TRPM1: variants seen among roughly 807,000 people sequenced by gnomAD.
The protein encoded by TRPM1 is TRPM1-203 APA Isoform, Intron 10.
TRPM1 carries 113 observed loss-of-function variants against 149.4 expected under a neutral mutation model. The ratio of observed to expected loss-of-function variants is 0.76; its 90% CI spans 0.65 to 0.88. The LOEUF (loss-of-function observed/expected upper bound fraction) is 0.88, where lower values mean the gene tolerates loss of function less well. Ranked by LOEUF, TRPM1 falls within the 40% of genes least tolerant of loss-of-function variation. TRPM1 has a pLI of 0.00. For missense variants in TRPM1, 1,976 were observed against 2,038.7 expected, an observed-to-expected ratio of 0.97 and a Z score of 0.59; for synonymous variants, 741 against 759.5, an observed-to-expected ratio of 0.98 and a Z score of 0.40.
intron 1 of TRPM1, among the ~76,000 whole-genome samples, chr15:31,092,983 G>T (rs969035420): frequency 2.0e-5 from 3 of 152,062 alleles, no homozygotes; most frequent in Non-Finnish European, 2.9e-5. Context: ...ATAAGGGGCC[G>T]GGCACAGTGG....
chr15:31,096,493 G>C (rs1246997493), intron 1 of TRPM1, among the ~76,000 whole-genome samples: 1 of 152,138 alleles, frequency 6.6e-6, no homozygotes, highest in Non-Finnish European at 1.5e-5. Flanking sequence ...GGATCTTGGG[G>C]CACCTCAACA....
chr15:31,113,784 G>C (rs1442770442), intron 1 of TRPM1, among the ~76,000 whole-genome samples: 1 of 152,186 alleles, frequency 6.6e-6, no homozygotes, highest in Non-Finnish European at 1.5e-5. Flanking sequence ...AGCTCTTAAA[G>C]GTGGCAAGGA....
In TRPM1 at chr15:31,063,163, G is replaced by T. The variant is rs1318997965; in HGVS notation, c.920C>A (p.Ala307Asp). Residue 307 changes from alanine to aspartate, a missense_variant, in exon 8 of 28, where the codon GCC becomes GAC. Ala to Asp is a moderately radical substitution (Grantham distance 126). Transcript: ENST00000256552. ...GTGCGCAAAGGACAGGATGTCCGAGGCACGTCCGCTGCCATCACAAATCAC... is the reference window on the plus strand; with the variant it reads ...GTGCGCAAAGGACAGGATGTCCGAGTCACGTCCGCTGCCATCACAAATCAC... ...PVVICDGSGR[A>D]SDILSFAHKY... 1 of 1,614,226 alleles carries T rather than the reference G, an allele frequency of 6.2e-7. No homozygotes were observed. The highest frequency in any genetic ancestry group is 8.5e-7 in the Non-Finnish European group (1 of 1,180,048).
chr15:31,040,380 A>G lies in TRPM1; in HGVS notation c.2088-34T>C. 2 of 1,584,238 alleles carry G rather than the reference A, an allele frequency of 1.3e-6. No homozygotes were observed. Among genetic ancestry groups the G allele is most frequent in the Non-Finnish European group, 1.7e-6 (2 of 1,152,960 alleles). The stretch of plus-strand genomic sequence containing the variant: ...AAAGAGAAGGGACCAGGGTGAAGCC[A>G]CAGTGGCCGCAAGCTGTTTCTTAGA... On this transcript the variant is annotated intron_variant, in intron 17 of 27. Coordinates refer to ENST00000256552, the MANE Select transcript of TRPM1 (RefSeq NM_001252024.2). The surrounding 1 kb of genome is among the most constrained non-coding windows in gnomAD (Gnocchi z 4.2).
At chr15:31,103,551 G>C (rs1026985244), upstream of TRPM1, among the ~76,000 whole-genome samples, 1 of 152,056 alleles carries the variant, frequency 6.6e-6, no homozygotes, top group Non-Finnish European at 1.5e-5. Context: ...CCCAGCTCAC[G>C]CCTGCAATTC....
At chr15:31,025,857 C>T (rs577406703) in intron 27 of TRPM1, among the ~76,000 whole-genome samples, 1 of 152,340 alleles carries the variant, frequency 6.6e-6, no homozygotes, top group African/African-American at 2.4e-5. Context: ...ATTAACCTTG[C>T]GGAAACACCC....
At chr15:31,154,424 G>A (rs561571436) in intron 1 of TRPM1, among the ~76,000 whole-genome samples, 2 of 152,304 alleles carry the variant, frequency 1.3e-5, no homozygotes, top group African/African-American at 4.8e-5. Context: ...GAATTGTTTT[G>A]AATCTGAAAC....
intron 27 of TRPM1, among the ~76,000 whole-genome samples, chr15:31,005,104 A>AAATAAATAAATAAAT (rs2031940356): frequency 3.5e-5 from 5 of 142,758 alleles, no homozygotes; most frequent in Admixed American, 2.1e-4. Flanking sequence ...TCCATCTCAA[A>AAATAAATAAATAAAT]AAATAAATAA....
intron 16 of TRPM1, among the ~76,000 whole-genome samples, chr15:31,044,121 T>C (rs1341611666): frequency 6.6e-6 from 1 of 152,180 alleles, no homozygotes; most frequent in Non-Finnish European, 1.5e-5. Context: ...GAAATACACT[T>C]CTAAATAACT....
intron 27 of TRPM1, among the ~76,000 whole-genome samples, chr15:31,007,613 G>A (rs2032036932): frequency 6.7e-6 from 1 of 148,434 alleles, no homozygotes; most frequent in Non-Finnish European, 1.5e-5. Context: ...ACCAGCCTGG[G>A]AAACATAGGG....
At chr15:31,030,934 T>A in intron 23 of TRPM1, 49 bp downstream of exon 23, 2 of 1,607,242 alleles carry the variant, frequency 1.2e-6, no homozygotes, top group Non-Finnish European at 1.7e-6. Context: ...GAACTGATCA[T>A]CTGCCTCAGA....
rs1375736875 is a variant in TRPM1 at position 31,040,575 on chromosome 15, A to T, written c.2088-229T>A. Among the ~76,000 whole-genome samples, 4 of 152,252 alleles carry T rather than the reference A, an allele frequency of 2.6e-5. No homozygotes were observed. Among genetic ancestry groups the T allele is most frequent in the African/African-American group, 9.6e-5 (4 of 41,470 alleles). The stretch of plus-strand genomic sequence containing the variant: ...GAGGTGGGCTGACTGCTACTGCTGC[A>T]AATGGAGCTGTAGGTTGAGACCACA... On this transcript the variant is annotated intron_variant, in intron 17 of 27. Transcript: ENST00000256552. The surrounding 1 kb of genome is among the most constrained non-coding windows in gnomAD (Gnocchi z 4.2).
chr15:31,031,600 C>G (rs1346324169), intron 22 of TRPM1, among the ~76,000 whole-genome samples: 1 of 152,168 alleles, frequency 6.6e-6, no homozygotes, highest in Non-Finnish European at 1.5e-5. Flanking sequence ...GAGCAATGCC[C>G]TGGTTACTGT....
chr15:31,113,836 C>G (rs1447395478), intron 1 of TRPM1, among the ~76,000 whole-genome samples: 3 of 152,170 alleles, frequency 2.0e-5, no homozygotes, highest in East Asian at 1.9e-4. Context: ...AAGATGTGAA[C>G]AGCAAAACAA....
chr15:31,063,624 C>T lies in TRPM1; in HGVS notation c.791-332G>A, dbSNP rs149396075. Among the ~76,000 whole-genome samples the T allele has an allele frequency of 6.7e-3, 1,024 of 152,098 alleles. 27 individuals are homozygous for T. The highest frequency in any genetic ancestry group is 5.0e-3 in the Non-Finnish European group (343 of 67,990). ...TATGGGCACATGCCACCACACCTGG[C>T]TAATTTTTGGTAGAGATGAAGTCTT... is the stretch of plus-strand genomic sequence containing the variant. On this transcript the variant is annotated intron_variant, in intron 7 of 27. Coordinates refer to ENST00000256552, the MANE Select transcript of TRPM1 (RefSeq NM_001252024.2).
At position 31,040,314 on chromosome 15, in the gene TRPM1, T is replaced by C. The variant is rs752340860; in HGVS notation, c.2120A>G (p.Asp707Gly). ...DFGQLALELL[D>G]QSYKHDEQIA... is the part of the protein sequence containing the mutation. ...CTGCTCGTCATGCTTATAGGACTGG[T>C]CTAATAACTCCAAAGCAAGCTGGCC... Residue 707 changes from aspartate (D) to glycine (G), a missense_variant, in exon 18 of 28, where the codon GAC becomes GGC. Around this residue, in one of 3 missense-constraint regions of TRPM1, gnomAD observed 1,332 missense variants for 1,347.1 expected, o/e 0.99. Transcript: ENST00000256552. The surrounding 1 kb of genome is among the most constrained non-coding windows in gnomAD (Gnocchi z 4.2). 1.9e-6 allele frequency: 3 copies of C among 1,614,086 alleles called. No individual in the cohort carries two copies. In the South Asian group the frequency reaches 3.3e-5, roughly 18 times the overall value.
intron 21 of TRPM1, among the ~76,000 whole-genome samples, chr15:31,034,736 G>A (rs1232521484): frequency 6.6e-6 from 1 of 152,226 alleles, no homozygotes; most frequent in African/African-American, 2.4e-5. Context: ...AGTGTCTCTT[G>A]TATCTCTCTT....
chr15:31,049,599 C>T (rs773742794), intron 12 of TRPM1, 90 bp from the exon 13 acceptor site: 125 of 1,482,730 alleles, frequency 8.4e-5, no homozygotes, highest in Non-Finnish European at 1.1e-4. Context: ...AAGGGTATTC[C>T]GAACGCCAGA....
intron 11 of TRPM1, among the ~76,000 whole-genome samples, chr15:31,053,248 C>CT (rs1011375835): frequency 2.6e-5 from 4 of 151,318 alleles, no homozygotes; most frequent in Non-Finnish European, 4.4e-5. Context: ...TGGCTATTAT[C>CT]TTTTTTTTTC....
Sources: allele counts gnomAD v4.1 joint callset (sites outside exome capture counted in the v4.1 genomes callset), GRCh38; gene constraint gnomAD v4.1.1; regional missense constraint gnomAD v4.1.1; non-coding constraint Gnocchi (gnomAD v3.1); transcripts MANE v1.5; gene names NCBI Gene and HGNC (gene_info 2026-07-23, HGNC 2026-07-21).